The following NEDD9 variants were observed in gnomAD, a reference collection of about 807,000 sequenced individuals.
NEDD9 encodes enhancer of filamentation 1.
A neutral mutation model predicts 76.6 loss-of-function variants in NEDD9; 26 were observed. The observed-to-expected ratio is 0.34, with a 90% CI of 0.25 to 0.47. The LOEUF (loss-of-function observed/expected upper bound fraction) is 0.47, where lower values mean the gene tolerates loss of function less well. NEDD9 is among the 20% of genes least tolerant of loss of function. NEDD9 has a pLI of 1.00. For synonymous variants in NEDD9, 392 were observed against 414.2 expected, an observed-to-expected ratio of 0.95 and a Z score of 0.65; for missense variants, 937 against 1,058.5, an observed-to-expected ratio of 0.89 and a Z score of 1.59.
At chr6:11,249,146 C>T (rs776054835) in intron 3 of NEDD9, 8 of 455,886 alleles carry the variant, frequency 1.8e-5, no homozygotes, top group South Asian at 1.2e-4. Context: ...TACATTTAAA[C>T]CAATGGACTT....
In NEDD9 at chr6:11,246,623, G is replaced by A. The variant is rs966489603; in HGVS notation, c.13-32896C>T. 4.4e-4 allele frequency among the ~76,000 whole-genome samples: 67 copies of A among 152,190 alleles called. 1 individual carries two copies. The highest frequency in any genetic ancestry group is 1.5e-3 in the African/African-American group (62 of 41,452). On this transcript the variant is annotated intron_variant, in intron 3 of 3. Transcript: ENST00000397378. ...TGAAGCTCGAGTGTGGACTGATTTT[G>A]CTCCTGCTTTTGGGCTTTGCTCAGC...
rs1472953786 is a variant in NEDD9, at chr6:11,185,533, A to G, written c.2134T>C (p.Tyr712His). ...AQDRQLLCFY[Y>H]DQCETHFISL... ...ATGAAATGGGTCTCACATTGGTCAT[A>G]GTAGAAGCACAGCAACTGCCGATCC... Residue 712 changes from tyrosine (Y) to histidine (H), a missense_variant, in exon 7 of 7, where the codon TAT becomes CAT. Physicochemically the swap from Tyr to His is moderately conservative, Grantham distance 83. Transcript: ENST00000379446. 42 of 1,614,126 alleles carry G rather than the reference A, an allele frequency of 2.6e-5. No homozygotes were observed. The highest frequency in any genetic ancestry group is 3.6e-5 in the Non-Finnish European group (42 of 1,180,052).
chr6:11,359,802 T>G (rs1370705426), intron 1 of NEDD9, among the ~76,000 whole-genome samples: 1 of 152,254 alleles, frequency 6.6e-6, no homozygotes, highest in Non-Finnish European at 1.5e-5. Context: ...GAAGATGTTC[T>G]CCTGTTGAAG....
At chr6:11,225,800 CT>C (rs5874311) in intron 1 of NEDD9, among the ~76,000 whole-genome samples, 58,391 of 134,994 alleles carry the variant, frequency 0.43, 12,873 homozygotes, top group East Asian at 0.58. Context: ...CGCGCCCGGC[CT>C]TTTTTTTTTT....
At chr6:11,230,331 G>C (rs1393391299) in intron 1 of NEDD9, among the ~76,000 whole-genome samples, 3 of 152,234 alleles carry the variant, frequency 2.0e-5, no homozygotes, top group African/African-American at 7.2e-5. Context: ...TCTGGAGCCA[G>C]ATCGCCTTAG....
At chr6:11,375,689 T>C (rs114597313) in intron 1 of NEDD9, among the ~76,000 whole-genome samples, 1,895 of 152,256 alleles carry the variant, frequency 0.012, 40 homozygotes, top group African/African-American at 0.043. Context: ...TCCTTTTCTC[T>C]CTCTCTTGCC....
At chr6:11,313,210 T>C (rs527484644) in intron 2 of NEDD9, among the ~76,000 whole-genome samples, 4 of 151,222 alleles carry the variant, frequency 2.6e-5, no homozygotes, top group East Asian at 3.9e-4. Context: ...AATGGGTAGA[T>C]ATATGATGGA....
At chr6:11,268,866 G>C (rs939206533) in intron 3 of NEDD9, among the ~76,000 whole-genome samples, 12 of 152,180 alleles carry the variant, frequency 7.9e-5, no homozygotes, top group Non-Finnish European at 1.8e-4. Flanking sequence ...CCTGGTTTCA[G>C]AGGTATTTAA....
chr6:11,327,094 G>A (rs1022328871), intron 2 of NEDD9, among the ~76,000 whole-genome samples: 3 of 152,190 alleles, frequency 2.0e-5, no homozygotes, highest in Non-Finnish European at 4.4e-5. Flanking sequence ...GACAACAGGA[G>A]CACATAGGGA....
At chr6:11,243,886 A>G (rs1214961429) in intron 3 of NEDD9, among the ~76,000 whole-genome samples, 1 of 152,210 alleles carries the variant, frequency 6.6e-6, no homozygotes. Flanking sequence ...AGCTCCTTAT[A>G]GTCAAATATT....
chr6:11,236,190 G>A (rs1454029177), upstream of NEDD9, among the ~76,000 whole-genome samples: 1 of 152,110 alleles, frequency 6.6e-6, no homozygotes, highest in Non-Finnish European at 1.5e-5. The surrounding 1 kb of genome is among the most constrained non-coding windows in gnomAD (Gnocchi z 5.5). Context: ...GCAGCCCTAG[G>A]ATTCCCATAG....
In NEDD9 at chr6:11,190,642, A is replaced by G; in HGVS notation, c.1227T>C (p.Ala409=). ...DKRLFLDPDT[A]IERLQRLQQA... ...GCTGGAGCCGCTGAAGTCTCTCAAT[A>G]GCTGTGTCTGGATCCAGGAAGAGCC... Residue 409 remains alanine (A), a synonymous_variant, in exon 5 of 7, where the codon GCT becomes GCC. Coordinates refer to ENST00000379446, the MANE Select transcript of NEDD9 (RefSeq NM_006403.4). The surrounding 1 kb of genome is among the most constrained non-coding windows in gnomAD (Gnocchi z 5.8). The G allele has an allele frequency of 6.2e-7, 1 of 1,614,118 alleles. No individual in the cohort carries two copies. Among genetic ancestry groups the G allele is most frequent in the Non-Finnish European group, 8.5e-7 (1 of 1,180,008 alleles).
chr6:11,372,508 T>C (rs1462015116), intron 1 of NEDD9, among the ~76,000 whole-genome samples: 1 of 152,192 alleles, frequency 6.6e-6, no homozygotes, highest in African/African-American at 2.4e-5. Context: ...TTCTTTTGGG[T>C]ATATGTGAGT....
In NEDD9 at chr6:11,370,244, G is replaced by A. The variant is rs1762838478; in HGVS notation, c.-214+11895C>T. ...TAAAACGCTGCACCGAAGCTCTGCT[G>A]ACGTTTTCCTATGCTGAAGCAAGAA... On this transcript the variant is annotated intron_variant, in intron 1 of 3. Coordinates refer to the NEDD9 transcript ENST00000397378. The surrounding 1 kb of genome is among the most constrained non-coding windows in gnomAD (Gnocchi z 4.2). Among the ~76,000 whole-genome samples, 1 of 152,190 alleles carries A rather than the reference G, an allele frequency of 6.6e-6. No homozygotes were observed. The highest frequency in any genetic ancestry group is 2.4e-5 in the African/African-American group (1 of 41,446).
chr6:11,200,408 T>C, intron 2 of NEDD9: 1 of 721,770 alleles, frequency 1.4e-6, no homozygotes, highest in African/African-American at 1.9e-5. Context: ...CTTCACATTA[T>C]TTCTACAAAT....
intron 3 of NEDD9, among the ~76,000 whole-genome samples, chr6:11,256,526 T>C (rs1760007879): frequency 6.6e-6 from 1 of 152,236 alleles, no homozygotes; most frequent in African/African-American, 2.4e-5. Flanking sequence ...GGTCTCACTC[T>C]GTCACCCAGG....
At chr6:11,235,577 A>G (rs1399800556), upstream of NEDD9, among the ~76,000 whole-genome samples, 3 of 152,226 alleles carry the variant, frequency 2.0e-5, no homozygotes, top group Non-Finnish European at 4.4e-5. This position sits in a 1 kb window ranked among gnomAD's most constrained non-coding sequence, Gnocchi z 4.1. Context: ...AGCAGGGAAA[A>G]TTGCTGGAGG....
At chr6:11,262,972 C>T (rs887797756) in intron 3 of NEDD9, among the ~76,000 whole-genome samples, 1 of 152,044 alleles carries the variant, frequency 6.6e-6, no homozygotes, top group Non-Finnish European at 1.5e-5. Context: ...TTCCCATTTC[C>T]TGATGGTGAA....
chr6:11,345,024 G>A (rs192782219), intron 1 of NEDD9, among the ~76,000 whole-genome samples: 77 of 152,322 alleles, frequency 5.1e-4, no homozygotes, highest in African/African-American at 1.7e-3. Context: ...TGTGGAAGTA[G>A]AGAAGATATT....
Sources: allele counts gnomAD v4.1 joint callset (sites outside exome capture counted in the v4.1 genomes callset), GRCh38; gene constraint gnomAD v4.1.1; non-coding constraint Gnocchi (gnomAD v3.1); transcripts MANE v1.5; gene names NCBI Gene and HGNC (gene_info 2026-07-23, HGNC 2026-07-21).